The following UNC5D variants were observed in gnomAD, a reference collection of about 807,000 sequenced individuals.
UNC5D encodes unc-5 netrin receptor D.
Under a neutral mutation model 105.4 loss-of-function variants are expected in UNC5D, and 39 were observed. The observed-to-expected ratio is 0.37, with a 90% CI of 0.29 to 0.48. The LOEUF (loss-of-function observed/expected upper bound fraction) is 0.48, where lower values mean the gene tolerates loss of function less well. UNC5D is among the 20% of genes least tolerant of loss of function. The pLI, the probability that UNC5D is intolerant of heterozygous loss-of-function variation, is 0.98. For missense variants in UNC5D, 991 were observed against 1,202.4 expected (o/e 0.82, Z 2.60); for synonymous variants, 452 against 450.4 (o/e 1.00, Z -0.04).
chr8:35,556,309 G>A (rs1330043535), intron 2 of UNC5D, among the ~76,000 whole-genome samples: 1 of 152,042 alleles, frequency 6.6e-6, no homozygotes, highest in Non-Finnish European at 1.5e-5. Flanking sequence ...GCTAATATTG[G>A]CAGGTAAATA....
intron 1 of UNC5D, among the ~76,000 whole-genome samples, chr8:35,509,579 A>C (rs1812562817): frequency 2.8e-5 from 1 of 36,108 alleles, no homozygotes; most frequent in Admixed American, 3.3e-4. Context: ...CCTGCATTGG[A>C]TACTTTTCCC....
chr8:35,505,564 T>C (rs1309274173), intron 1 of UNC5D, among the ~76,000 whole-genome samples: 1 of 152,096 alleles, frequency 6.6e-6, no homozygotes, highest in African/African-American at 2.4e-5. Flanking sequence ...TGGCAAGGGT[T>C]TATGTAAATA....
rs1333258539 is a variant in UNC5D, at chr8:35,597,891, A to G, written c.570+2234A>G. Among the ~76,000 whole-genome samples the G allele has an allele frequency of 3.9e-5, 6 of 152,284 alleles. No individual in the cohort carries two copies. In the East Asian group the frequency reaches 1.2e-3, roughly 29 times the overall value. On this transcript the variant is annotated intron_variant, in intron 4 of 16. Transcript: ENST00000404895. ...AATGTCTATGTTCTTATAGTGCTTTACAAGATTCAACATAATCTGGCCTGG... is the reference window on the plus strand; with the variant it reads ...AATGTCTATGTTCTTATAGTGCTTTGCAAGATTCAACATAATCTGGCCTGG...
intron 1 of UNC5D, among the ~76,000 whole-genome samples, chr8:35,304,163 A>G (rs924722805): frequency 1.3e-5 from 2 of 151,984 alleles, no homozygotes; most frequent in Non-Finnish European, 2.9e-5. Context: ...CATATTTCAC[A>G]TATTTCACTA....
At chr8:35,487,691 C>T (rs967430130) in intron 1 of UNC5D, among the ~76,000 whole-genome samples, 3 of 151,892 alleles carry the variant, frequency 2.0e-5, no homozygotes, top group East Asian at 1.9e-4. Flanking sequence ...CCTAAAAATG[C>T]GGAGTGGCTT....
chr8:35,755,531 A>C (rs7841232), intron 13 of UNC5D, among the ~76,000 whole-genome samples: 1 of 151,918 alleles, frequency 6.6e-6, no homozygotes, highest in African/African-American at 2.4e-5. Context: ...AAATATGTAA[A>C]TTTAGCCTGC....
intron 1 of UNC5D, among the ~76,000 whole-genome samples, chr8:35,319,525 G>A (rs1235247232): frequency 1.4e-4 from 21 of 152,104 alleles, no homozygotes; most frequent in Admixed American, 1.4e-3. Context: ...CCCTGGATGT[G>A]TGTTTCAGTT....
chr8:35,386,664 A>C (rs1803419039), intron 1 of UNC5D, among the ~76,000 whole-genome samples: 1 of 152,204 alleles, frequency 6.6e-6, no homozygotes, highest in African/African-American at 2.4e-5. Flanking sequence ...TTGAGCAGTA[A>C]AGAAAATATA....
chr8:35,354,051 TAATATATTA>T lies in UNC5D; in HGVS notation c.103+118166_103+118174del, dbSNP rs572247087. ...ACATATATTTAAAATATAATATGAATAATATATTAATGTGACTGCCTACAGCAACTTGTT... is the reference window on the plus strand; with the variant it reads ...ACATATATTTAAAATATAATATGAATATGTGACTGCCTACAGCAACTTGTT... On this transcript the variant is annotated intron_variant, in intron 1 of 16. Transcript: ENST00000404895. Among the ~76,000 whole-genome samples, 710 of 152,196 alleles carry T rather than the reference TAATATATTA, an allele frequency of 4.7e-3. 6 individuals carry two copies. The highest frequency in any genetic ancestry group is 0.017 in the African/African-American group (686 of 41,546).
At chr8:35,619,762 C>T (rs1821238644) in intron 4 of UNC5D, among the ~76,000 whole-genome samples, 1 of 152,220 alleles carries the variant, frequency 6.6e-6, no homozygotes, top group Admixed American at 6.5e-5. Context: ...TTAGAAGACA[C>T]CTCCTTTTAG....
chr8:35,265,564 G>A (rs1429154909), intron 1 of UNC5D, among the ~76,000 whole-genome samples: 1 of 152,026 alleles, frequency 6.6e-6, no homozygotes, highest in Non-Finnish European at 1.5e-5. Flanking sequence ...GACACATATA[G>A]AAATGCTTAT....
intron 1 of UNC5D, among the ~76,000 whole-genome samples, chr8:35,476,411 C>G (rs1810103479): frequency 6.6e-6 from 1 of 152,174 alleles, no homozygotes; most frequent in Non-Finnish European, 1.5e-5. Context: ...AAGTTTTCTT[C>G]TGACTCTAAT....
chr8:35,428,255 A>C (rs1806375967), intron 1 of UNC5D, among the ~76,000 whole-genome samples: 1 of 151,566 alleles, frequency 6.6e-6, no homozygotes, highest in South Asian at 2.1e-4. Context: ...TCTCAGCTCA[A>C]GGAGCCCTCC....
chr8:35,657,080 GTATATATA>G lies in UNC5D; in HGVS notation c.571-26431_571-26424del, dbSNP rs3077002. Reference sequence around the variant, plus strand: ...TGTGTGTGTGTGTGTGTGTGTGTGTGTATATATATATATATATATATATATATATATAT... The same window carrying G: ...TGTGTGTGTGTGTGTGTGTGTGTGTGTATATATATATATATATATATATAT... On this transcript the variant is annotated intron_variant, in intron 4 of 16. Transcript: ENST00000404895. 5.4e-3 allele frequency among the ~76,000 whole-genome samples: 251 copies of G among 46,486 alleles called. 3 individuals are homozygous for G. The highest frequency in any genetic ancestry group is 0.021 in the African/African-American group (186 of 8,764). 30.5% of individuals were successfully genotyped at this position (46,486 alleles called of 152,430 possible). A position where few individuals can be genotyped will look rare whatever the true frequency, so the allele number is the denominator to read the frequency against.
rs528354475 is a variant in UNC5D, at chr8:35,735,737, T to G, written c.1766+4641T>G. 3.3e-5 allele frequency among the ~76,000 whole-genome samples: 5 copies of G among 152,314 alleles called. No individual in the cohort carries two copies. In the East Asian group the frequency reaches 9.7e-4, roughly 29 times the overall value. ...AATGGGGCTCACAAACACTGCAGTA[T>G]AAGCCATTACTGTGGAGATTACTGT... On this transcript the variant is annotated intron_variant, in intron 11 of 16. Transcript: ENST00000404895.
intron 1 of UNC5D, among the ~76,000 whole-genome samples, chr8:35,501,243 T>C (rs1451715594): frequency 1.3e-5 from 2 of 152,204 alleles, no homozygotes; most frequent in African/African-American, 2.4e-5. Flanking sequence ...AAAAAACTTT[T>C]CCAGAGAACT....
intron 1 of UNC5D, among the ~76,000 whole-genome samples, chr8:35,413,198 C>G (rs967580086): frequency 6.6e-6 from 1 of 150,816 alleles, no homozygotes; most frequent in Non-Finnish European, 1.5e-5. Flanking sequence ...TTCCATGCTC[C>G]TGCATCTTAG....
rs554268356 is a variant in UNC5D at position 35,795,386 on chromosome 8, C to T, written c.*4823C>T. The stretch of plus-strand genomic sequence containing the variant: ...TTTCAAGCACTGTTTACACTCAAAT[C>T]CCAAAATTGGCCAAATTATATAATT... On this transcript the variant is annotated 3_prime_UTR_variant, in exon 17 of 17. Coordinates refer to ENST00000404895, the MANE Select transcript of UNC5D (RefSeq NM_080872.4). 1 of 152,228 alleles carries T rather than the reference C, an allele frequency of 6.6e-6. No individual in the cohort carries two copies. Among genetic ancestry groups the T allele is most frequent in the Non-Finnish European group, 1.5e-5 (1 of 68,016 alleles). The allele number at this position is 152,228 out of a possible 1,614,324, so 9.4% of individuals were successfully genotyped here. A position where few individuals can be genotyped will look rare whatever the true frequency, so the allele number is the denominator to read the frequency against.
In UNC5D at chr8:35,533,912, C is replaced by T. The variant is rs113429321; in HGVS notation, c.104-15380C>T. ...GCCTCGCCATGCTTCGGCTTGCGCA[C>T]GGTGCGCGCACCCACTGGCCTGCAC... On this transcript the variant is annotated intron_variant, in intron 1 of 16. Coordinates refer to ENST00000404895, the MANE Select transcript of UNC5D (RefSeq NM_080872.4). Among the ~76,000 whole-genome samples, 399 of 152,300 alleles carry T rather than the reference C, an allele frequency of 2.6e-3. 2 individuals carry two copies. The highest frequency in any genetic ancestry group is 9.0e-3 in the African/African-American group (373 of 41,576).
Sources: gnomAD v4.1 joint callset for allele counts (sites outside exome capture counted in the v4.1 genomes callset) on GRCh38, gnomAD v4.1.1 for gene constraint, MANE v1.5 for transcripts, NCBI Gene and HGNC (gene_info 2026-07-23, HGNC 2026-07-21) for gene names.